RAPGEF2: variants seen among roughly 807,000 people sequenced by gnomAD.
RAPGEF2 encodes PDZ domain containing guanine nucleotide exchange factor (GEF) 1.
Under a neutral mutation model 186.7 loss-of-function variants are expected in RAPGEF2, and 54 were observed. That is an observed-to-expected ratio of 0.29 (90% confidence interval 0.23 to 0.36). The LOEUF is 0.36. Ranked by LOEUF, RAPGEF2 falls within the 10% of genes least tolerant of loss-of-function variation. The probability of loss-of-function intolerance (pLI) is 1.00; values close to 1 mark genes in which losing one functional copy is unlikely to be tolerated. For synonymous variants in RAPGEF2, 712 were observed against 705.9 expected (o/e 1.01, Z -0.14); for missense variants, 1,532 against 2,045.0 (o/e 0.75, Z 4.84).
intron 9 of RAPGEF2, among the ~76,000 whole-genome samples, chr4:159,316,829 C>T (rs1202461674): frequency 1.3e-5 from 2 of 152,190 alleles, no homozygotes; most frequent in Admixed American, 1.3e-4. Flanking sequence ...ACCTTTCCAT[C>T]ATAGCAAGAG....
chr4:159,355,985 G>C lies in RAPGEF2; in HGVS notation c.4784G>C (p.Arg1595Thr). The change falls in exon 29 of 30, where the codon AGA becomes ACA. Residue 1595 changes from arginine to threonine, a missense_variant. Around this residue, in one of 4 missense-constraint regions of RAPGEF2, gnomAD observed 594 missense variants for 608.5 expected, o/e 0.98. Transcript: ENST00000691494. ...KPPDYNVALQRSRMVARSSDT... is the reference protein window; with the variant it reads ...KPPDYNVALQTSRMVARSSDT... ...CCGGACTACAACGTGGCCCTTCAGA[G>C]ATCGCGGATGGTCGCACGATCCTCC... The C allele has an allele frequency of 6.2e-7, 1 of 1,610,014 alleles. No homozygotes were observed. The highest frequency in any genetic ancestry group is 8.5e-7 in the Non-Finnish European group (1 of 1,178,062).
rs575743979 is a variant in RAPGEF2, at chr4:159,182,386, CTTTTTTTTTTTTTT to C, written c.70-4242_70-4229del. Reference sequence around the variant, plus strand: ...AAGCTTCCTAGTATTTTCTTTTCTTCTTTTTTTTTTTTTTTTTTTTTTTTTTTGATACAGAGTCT... The same window carrying C: ...AAGCTTCCTAGTATTTTCTTTTCTTCTTTTTTTTTTTTTGATACAGAGTCT... On this transcript the variant is annotated intron_variant, in intron 1 of 29. Transcript: ENST00000691494. 1.1e-4 allele frequency among the ~76,000 whole-genome samples: 9 copies of C among 85,674 alleles called. No individual in the cohort carries two copies. The East Asian group carries it at 1.2e-3, about 12-fold the overall frequency. 56.2% of individuals were successfully genotyped at this position (85,674 alleles called of 152,430 possible). A position where few individuals can be genotyped will look rare whatever the true frequency, so the allele number is the denominator to read the frequency against.
At chr4:159,145,300 T>A (rs1046978205) in intron 1 of RAPGEF2, among the ~76,000 whole-genome samples, 1 of 152,156 alleles carries the variant, frequency 6.6e-6, no homozygotes, top group Non-Finnish European at 1.5e-5. Context: ...GGATAGAACA[T>A]AATGCAAGCC....
chr4:159,226,832 G>A (rs866389192), intron 4 of RAPGEF2, among the ~76,000 whole-genome samples: 3 of 152,144 alleles, frequency 2.0e-5, no homozygotes, highest in African/African-American at 2.4e-5. Context: ...ATTAGAAACA[G>A]TCTTTCACTT....
At chr4:159,293,985 G>A (rs1465643082) in intron 7 of RAPGEF2, among the ~76,000 whole-genome samples, 2 of 152,144 alleles carry the variant, frequency 1.3e-5, no homozygotes, top group East Asian at 1.9e-4. Flanking sequence ...TTACGTAACC[G>A]GAAGGGACGT....
At chr4:159,301,794 G>A (rs1411470245) in intron 7 of RAPGEF2, among the ~76,000 whole-genome samples, 1 of 152,166 alleles carries the variant, frequency 6.6e-6, no homozygotes, top group African/African-American at 2.4e-5. Flanking sequence ...AGGAGTTTAA[G>A]GCTACAGTGA....
chr4:159,229,680 A>AT (rs1752412052), intron 4 of RAPGEF2: 1 of 152,190 alleles, frequency 6.6e-6, no homozygotes. Context: ...CTGTAGAAAT[A>AT]TTTAACTTAG....
intron 6 of RAPGEF2, among the ~76,000 whole-genome samples, chr4:159,242,742 T>A (rs1021589184): frequency 6.6e-6 from 1 of 152,042 alleles, no homozygotes; most frequent in African/African-American, 2.4e-5. Context: ...TTTTTAGGGT[T>A]GATGTAGCAT....
intron 1 of RAPGEF2, among the ~76,000 whole-genome samples, chr4:159,113,358 T>C (rs998887644): frequency 6.6e-6 from 1 of 152,236 alleles, no homozygotes; most frequent in Non-Finnish European, 1.5e-5. Context: ...TCTAAAATTA[T>C]TTAAAAATTC....
intron 9 of RAPGEF2, among the ~76,000 whole-genome samples, chr4:159,317,565 A>G (rs1473795136): frequency 6.6e-6 from 1 of 152,188 alleles, no homozygotes; most frequent in Non-Finnish European, 1.5e-5. Context: ...TGTTTCTGAT[A>G]TCGCGTGTTG....
At chr4:159,168,212 A>T (rs1745531765) in intron 1 of RAPGEF2, among the ~76,000 whole-genome samples, 1 of 152,190 alleles carries the variant, frequency 6.6e-6, no homozygotes, top group Non-Finnish European at 1.5e-5. Flanking sequence ...ACTTAAATAT[A>T]TTCAACCCCT....
At chr4:159,261,341 C>T (rs1397841245) in intron 7 of RAPGEF2, among the ~76,000 whole-genome samples, 4 of 152,016 alleles carry the variant, frequency 2.6e-5, no homozygotes, top group East Asian at 1.9e-4. Flanking sequence ...GGATTACGGG[C>T]GTGAGCCACC....
At chr4:159,155,978 C>T (rs1343763267) in intron 1 of RAPGEF2, among the ~76,000 whole-genome samples, 1 of 152,052 alleles carries the variant, frequency 6.6e-6, no homozygotes, top group African/African-American at 2.4e-5. Context: ...GAAGATTTTT[C>T]TAGATATATG....
chr4:159,309,876 G>C (rs1032842217), intron 8 of RAPGEF2, among the ~76,000 whole-genome samples: 1 of 152,150 alleles, frequency 6.6e-6, no homozygotes, highest in African/African-American at 2.4e-5. Flanking sequence ...TAAAGAAAGT[G>C]ATGGATCATT....
chr4:159,186,592 A>T, intron 1 of RAPGEF2, 50 bp from the exon 2 acceptor site: 1 of 963,670 alleles, frequency 1.0e-6, no homozygotes, highest in Non-Finnish European at 1.5e-6. Context: ...TATTTTAGAA[A>T]CCCCTTTTCC....
chr4:159,286,094 A>AAACC (rs1760454141), intron 7 of RAPGEF2, among the ~76,000 whole-genome samples: 1 of 126,230 alleles, frequency 7.9e-6, no homozygotes, highest in Non-Finnish European at 1.6e-5. Context: ...ATACTAACCC[A>AAACC]AACCAACCAA....
At chr4:159,198,260 CTCTTTCTTTCCTTCTTTCTTTCTTTCTT>C (rs1561074332) in intron 3 of RAPGEF2, among the ~76,000 whole-genome samples, 1 of 64,152 alleles carries the variant, frequency 1.6e-5, no homozygotes, top group Admixed American at 1.5e-4. Flanking sequence ...TTCTTTCTTT[CTCTTTCTTTCCTTCTTTCTTTCTTTCTT>C]TCTTTCTTTC....
chr4:159,352,749 T>A lies in RAPGEF2; in HGVS notation c.3930T>A (p.Ser1310=). The change falls in exon 27 of 30, where the codon TCT becomes TCA. Residue 1310 remains serine (S), a synonymous_variant. Transcript: ENST00000691494. ...CAGATTCTGGTCACAGTGAAATTTC[T>A]TCACGATCCAGTATTGTTAGCAATT... ...NFSDSGHSEI[S]SRSSIVSNSS... The A allele has an allele frequency of 1.2e-6, 2 of 1,614,242 alleles. No individual in the cohort carries two copies. Among genetic ancestry groups the A allele is most frequent in the South Asian group, 2.2e-5 (2 of 91,090 alleles).
chr4:159,243,911 C>A, intron 7 of RAPGEF2, 120 bp downstream of exon 7: 1 of 744,410 alleles, frequency 1.3e-6, no homozygotes, highest in Non-Finnish European at 2.0e-6. Context: ...CTGTATTTTG[C>A]CCTAATTTAC....
Sources: allele counts gnomAD v4.1 joint callset (sites outside exome capture counted in the v4.1 genomes callset), GRCh38; gene constraint gnomAD v4.1.1; regional missense constraint gnomAD v4.1.1; transcripts MANE v1.5; gene names NCBI Gene and HGNC (gene_info 2026-07-23, HGNC 2026-07-21).